The following SMCHD1 variants were observed in gnomAD, a reference collection of about 807,000 sequenced individuals.
SMCHD1 encodes structural maintenance of chromosomes flexible hinge domain-containing protein 1.
In SMCHD1, 78 loss-of-function variants were observed where a neutral mutation model predicts 254.7. That is an observed-to-expected ratio of 0.31 (90% CI 0.26 to 0.37). The LOEUF (loss-of-function observed/expected upper bound fraction) is 0.37. Among genes scored for constraint, SMCHD1 ranks in the 10% least tolerant of loss-of-function variants. The pLI is 1.00. For synonymous variants in SMCHD1, 766 were observed against 794.9 expected, an observed-to-expected ratio of 0.96 and a Z score of 0.61; for missense variants, 1,840 against 2,408.1, an observed-to-expected ratio of 0.76 and a Z score of 4.94.
chr18:2,679,436 A>G (rs2073870748), intron 5 of SMCHD1, among the ~76,000 whole-genome samples: 1 of 129,400 alleles, frequency 7.7e-6, no homozygotes, highest in African/African-American at 2.8e-5. Context: ...AGATGGTGCC[A>G]CTGCACTCCA....
chr18:2,665,830 G>A (rs981907976), intron 1 of SMCHD1, among the ~76,000 whole-genome samples: 3 of 151,960 alleles, frequency 2.0e-5, no homozygotes, highest in African/African-American at 7.3e-5. Flanking sequence ...TAACTTGTAC[G>A]TTAGTATGAA....
At chr18:2,677,601 C>A (rs1225989027) in intron 5 of SMCHD1, among the ~76,000 whole-genome samples, 1 of 152,172 alleles carries the variant, frequency 6.6e-6, no homozygotes, top group Non-Finnish European at 1.5e-5. Context: ...TATCTCCTGG[C>A]AATCACTAAT....
chr18:2,775,428 A>T (rs1441849003), intron 41 of SMCHD1, among the ~76,000 whole-genome samples: 1 of 151,984 alleles, frequency 6.6e-6, no homozygotes, highest in Non-Finnish European at 1.5e-5. Context: ...AGTATATATT[A>T]CTAGCTAATA....
chr18:2,706,951 A>G (rs1304408732), intron 15 of SMCHD1, among the ~76,000 whole-genome samples: 2 of 152,300 alleles, frequency 1.3e-5, no homozygotes, highest in Middle Eastern at 3.4e-3. Context: ...CATGTCTTAC[A>G]TGGGCGGCAG....
chr18:2,801,202 G>A (rs1265862658), intron 47 of SMCHD1: 2 of 152,258 alleles, frequency 1.3e-5, no homozygotes, highest in South Asian at 2.1e-4. Flanking sequence ...AACAGTGACT[G>A]ACAAAATACT....
intron 20 of SMCHD1, among the ~76,000 whole-genome samples, chr18:2,723,231 G>A (rs544101052): frequency 2.0e-5 from 3 of 152,212 alleles, no homozygotes; most frequent in East Asian, 1.9e-4. Context: ...TTTTGTGAAT[G>A]TAATACCGTT....
In SMCHD1 at chr18:2,750,132, A is replaced by G. The variant is rs900929634; in HGVS notation, c.4007+10A>G. ...GTGTTTTTGCCCCTAGGTAAGAACC[A>G]AAAGTTTGATAGTTGTTGGTGTTAT... On this transcript the variant is annotated intron_variant, in intron 31 of 47. Coordinates refer to ENST00000320876, the MANE Select transcript of SMCHD1 (RefSeq NM_015295.3). 1.9e-6 allele frequency: 3 copies of G among 1,571,880 alleles called. No homozygotes were observed. The highest frequency in any genetic ancestry group is 2.7e-5 in the African/African-American group (2 of 74,164).
intron 29 of SMCHD1, among the ~76,000 whole-genome samples, chr18:2,746,553 C>G (rs1279640547): frequency 6.6e-6 from 1 of 152,140 alleles, no homozygotes; most frequent in Non-Finnish European, 1.5e-5. Flanking sequence ...GGTAGAGGGA[C>G]ATAACTAAAC....
intron 37 of SMCHD1, among the ~76,000 whole-genome samples, chr18:2,768,671 T>TATAGTATATAGTAC (rs2075918767): frequency 3.5e-4 from 39 of 110,982 alleles, no homozygotes; most frequent in Middle Eastern, 4.3e-3. Flanking sequence ...GTATATAGTG[T>TATAGTATATAGTAC]ACTATATACT....
At chr18:2,795,133 A>G (rs1322197492) in intron 45 of SMCHD1, among the ~76,000 whole-genome samples, 1 of 151,872 alleles carries the variant, frequency 6.6e-6, no homozygotes, top group Non-Finnish European at 1.5e-5. Context: ...AGCTCACTGC[A>G]AGCTCTGCTT....
Position 2,666,249 on chromosome 18 carries a change from A to T in SMCHD1, c.262+17A>T. ...ATAATTTTGGTAGGTAAACAGTGTTACTAAGTTGATGCTTTTATATTTAAT... is the reference window on the plus strand; with the variant it reads ...ATAATTTTGGTAGGTAAACAGTGTTTCTAAGTTGATGCTTTTATATTTAAT... On this transcript the variant is annotated intron_variant, in intron 2 of 47. Transcript: ENST00000320876. 1 of 1,234,688 alleles carries T rather than the reference A, an allele frequency of 8.1e-7. No individual in the cohort carries two copies. The highest frequency in any genetic ancestry group is 1.2e-6 in the Non-Finnish European group (1 of 853,154). The allele number at this position is 1,234,688 out of a possible 1,614,324, so 76.5% of individuals were successfully genotyped here.
rs777446610 is a variant in SMCHD1, at chr18:2,726,438, T to G, written c.2701-14T>G. ...TCAGGACTGGGTTTAATTTTTACTG[T>G]TTTTTTCCAACAGAATTATAATCTG... On this transcript the variant is annotated splice_polypyrimidine_tract_variant and intron_variant, in intron 21 of 47. Coordinates refer to ENST00000320876, the MANE Select transcript of SMCHD1 (RefSeq NM_015295.3). The G allele has an allele frequency of 6.1e-5, 88 of 1,449,918 alleles. No homozygotes were observed. The highest frequency in any genetic ancestry group is 8.0e-5 in the Non-Finnish European group (86 of 1,072,906). The allele number at this position is 1,449,918 out of a possible 1,614,324, so 89.8% of individuals were successfully genotyped here. A position where few individuals can be genotyped will look rare whatever the true frequency, so the allele number is the denominator to read the frequency against.
chr18:2,783,152 ATTTAC>A (rs2076184858), intron 44 of SMCHD1, among the ~76,000 whole-genome samples: 1 of 152,164 alleles, frequency 6.6e-6, no homozygotes, highest in Non-Finnish European at 1.5e-5. Flanking sequence ...ATGTGCCGTA[ATTTAC>A]TTGTATAACT....
At chr18:2,660,085 A>G (rs1410301751) in intron 1 of SMCHD1, among the ~76,000 whole-genome samples, 4 of 152,216 alleles carry the variant, frequency 2.6e-5, no homozygotes, top group Non-Finnish European at 4.4e-5. Context: ...ACACTTCGGG[A>G]GGCCAAGGCG....
At chr18:2,768,323 A>T (rs1339439090) in intron 37 of SMCHD1, among the ~76,000 whole-genome samples, 1 of 147,462 alleles carries the variant, frequency 6.8e-6, no homozygotes, top group Non-Finnish European at 1.5e-5. Context: ...GTTGCTTTTT[A>T]ATTCCCCTTT....
At chr18:2,708,278 A>G (rs2074567993) in intron 17 of SMCHD1, among the ~76,000 whole-genome samples, 1 of 139,120 alleles carries the variant, frequency 7.2e-6, no homozygotes. Flanking sequence ...TTAGTCATCC[A>G]AAACAGGTTT....
chr18:2,778,457 C>T (rs1235116637), intron 44 of SMCHD1, among the ~76,000 whole-genome samples: 1 of 152,164 alleles, frequency 6.6e-6, no homozygotes, highest in Non-Finnish European at 1.5e-5. Flanking sequence ...AGACTCAAAA[C>T]AGTGTCTGTT....
chr18:2,727,485 A>G (rs1023418286), intron 22 of SMCHD1, among the ~76,000 whole-genome samples: 1 of 152,122 alleles, frequency 6.6e-6, no homozygotes, highest in African/African-American at 2.4e-5. Context: ...GAGAGATTAG[A>G]TTATTAAAAG....
chr18:2,773,904 C>T (rs1325397547), intron 41 of SMCHD1, among the ~76,000 whole-genome samples: 2 of 152,072 alleles, frequency 1.3e-5, no homozygotes, highest in Non-Finnish European at 2.9e-5. Context: ...GCCTGAGTGA[C>T]AGAGCGAGAC....
Sources: gnomAD v4.1 joint callset for allele counts (sites outside exome capture counted in the v4.1 genomes callset) on GRCh38, gnomAD v4.1.1 for gene constraint, MANE v1.5 for transcripts, NCBI Gene and HGNC (gene_info 2026-07-23, HGNC 2026-07-21) for gene names.